ZNF595: variants seen among roughly 807,000 people sequenced by gnomAD.
ZNF595 encodes zinc finger protein 595.
A neutral mutation model predicts 19.4 loss-of-function variants in ZNF595; 9 were observed. That is an observed-to-expected ratio of 0.46 (90% CI 0.28 to 0.81). The LOEUF (loss-of-function observed/expected upper bound fraction) is 0.81, where lower values mean the gene tolerates loss of function less well. Ranked by LOEUF, ZNF595 falls within the 30% of genes least tolerant of loss-of-function variation. The pLI, the probability that ZNF595 is intolerant of heterozygous loss-of-function variation, is 0.11. For synonymous variants in ZNF595, 255 were observed against 255.9 expected, an observed-to-expected ratio of 1.00 and a Z score of 0.03; for missense variants, 729 against 736.0, an observed-to-expected ratio of 0.99 and a Z score of 0.11.
chr4:83,359 C>T (rs915627392), intron 3 of ZNF595, among the ~76,000 whole-genome samples: 6 of 152,068 alleles, frequency 3.9e-5, no homozygotes, highest in Admixed American at 1.3e-4. Flanking sequence ...GTGGCTCACG[C>T]CTGTAATCCC....
chr4:63,835 C>G (rs10452326), intron 3 of ZNF595, among the ~76,000 whole-genome samples: 4,042 of 132,296 alleles, frequency 0.031, no homozygotes, highest in African/African-American at 0.12. Flanking sequence ...AAAAGGAGAT[C>G]TTTACTTGCC....
At chr4:81,007 C>G (rs186429866) in intron 3 of ZNF595, among the ~76,000 whole-genome samples, 1 of 152,060 alleles carries the variant, frequency 6.6e-6, no homozygotes, top group Non-Finnish European at 1.5e-5. Context: ...TGACAGGCCC[C>G]GGTGTGTGAT....
chr4:79,585 T>A (rs1431051678), intron 3 of ZNF595, among the ~76,000 whole-genome samples: 1 of 152,184 alleles, frequency 6.6e-6, no homozygotes. Context: ...GATCTCTTTG[T>A]CTGTTTTTAT....
intron 3 of ZNF595, among the ~76,000 whole-genome samples, chr4:77,266 A>G (rs1328098428): frequency 6.6e-6 from 1 of 151,548 alleles, no homozygotes; most frequent in East Asian, 1.9e-4. Context: ...CAGCTCCAGC[A>G]TATCCATTTG....
At chr4:80,350 C>A (rs1713852922) in intron 3 of ZNF595, among the ~76,000 whole-genome samples, 1 of 152,158 alleles carries the variant, frequency 6.6e-6, no homozygotes, top group Non-Finnish European at 1.5e-5. Flanking sequence ...AAAAACTCAA[C>A]AAATTAGATA....
chr4:84,068 G>C (rs1245082594), intron 3 of ZNF595, among the ~76,000 whole-genome samples: 1 of 151,914 alleles, frequency 6.6e-6, no homozygotes, highest in African/African-American at 2.4e-5. Flanking sequence ...ATTTTAAACT[G>C]GTTATTTCAG....
Position 74,838 on chromosome 4 carries a change from C to A in ZNF595, c.227-10893C>A, listed in dbSNP as rs553430770. Among the ~76,000 whole-genome samples, 23 of 152,256 alleles carry A rather than the reference C, an allele frequency of 1.5e-4. No homozygotes were observed. In the South Asian group the frequency reaches 4.8e-3, roughly 32 times the overall value. On this transcript the variant is annotated intron_variant, in intron 3 of 3. Coordinates refer to ENST00000610261, the MANE Select transcript of ZNF595 (RefSeq NM_182524.4). Reference sequence around the variant, plus strand: ...AGAGGTGACTGAATAGAATGGGAGGCAGGTTGGCACTAAGCAATTCCCAGC... The same window carrying A: ...AGAGGTGACTGAATAGAATGGGAGGAAGGTTGGCACTAAGCAATTCCCAGC...
intron 3 of ZNF595, among the ~76,000 whole-genome samples, chr4:68,800 TA>T (rs1713312100): frequency 6.6e-6 from 1 of 152,198 alleles, no homozygotes; most frequent in Non-Finnish European, 1.5e-5. Context: ...AATGTACAAT[TA>T]AATTGCTTTT....
chr4:80,743 G>A (rs944270671), intron 3 of ZNF595, among the ~76,000 whole-genome samples: 1 of 152,160 alleles, frequency 6.6e-6, no homozygotes, highest in African/African-American at 2.4e-5. Context: ...GTTAAGGCAG[G>A]AAGCAGCCAT....
At chr4:70,579 C>T (rs559090233) in intron 3 of ZNF595, among the ~76,000 whole-genome samples, 111 of 152,310 alleles carry the variant, frequency 7.3e-4, no homozygotes, top group African/African-American at 2.5e-3. Flanking sequence ...CTCAAGTGAT[C>T]CACCTGTCTC....
intron 3 of ZNF595, among the ~76,000 whole-genome samples, chr4:83,638 A>G (rs1462278306): frequency 1.2e-4 from 18 of 146,760 alleles, no homozygotes; most frequent in African/African-American, 3.3e-4. Flanking sequence ...AAAAAAAAAA[A>G]AAAAAAAGAA....
In ZNF595 at chr4:87,272, A is replaced by G. The variant is rs1714259051; in HGVS notation, c.1768A>G (p.Lys590Glu). ...TKHKRIHTGE[K>E]PFTCEECGKA... is the part of the protein sequence containing the mutation. The stretch of plus-strand genomic sequence containing the variant: ...ACATAAGAGAATTCATACTGGAGAG[A>G]AACCCTTCACATGTGAAGAATGTGG... The change falls in exon 4 of 4, where the codon AAA becomes GAA. Residue 590 changes from lysine (K) to glutamate (E), a missense_variant. Lys to Glu is a moderately conservative substitution (Grantham distance 56). Coordinates refer to ENST00000610261, the MANE Select transcript of ZNF595 (RefSeq NM_182524.4). The G allele has an allele frequency of 4.3e-6, 7 of 1,612,210 alleles. No individual in the cohort carries two copies. Among genetic ancestry groups the G allele is most frequent in the Non-Finnish European group, 5.9e-6 (7 of 1,179,210 alleles).
intron 3 of ZNF595, among the ~76,000 whole-genome samples, chr4:80,726 G>T (rs1553799719): frequency 2.6e-5 from 4 of 152,202 alleles, no homozygotes. Context: ...ACAAGGTAAT[G>T]TCATCAGTTA....
intron 3 of ZNF595, among the ~76,000 whole-genome samples, chr4:66,866 T>G (rs1250798588): frequency 1.3e-5 from 2 of 151,956 alleles, no homozygotes; most frequent in African/African-American, 4.8e-5. Context: ...CAGGAAACGT[T>G]GTGCATGTAA....
At chr4:68,760 A>G (rs1352912382) in intron 3 of ZNF595, among the ~76,000 whole-genome samples, 1 of 152,262 alleles carries the variant, frequency 6.6e-6, no homozygotes, top group African/African-American at 2.4e-5. Flanking sequence ...TTTTACGAAC[A>G]ATCTAATAAC....
chr4:73,421 A>G (rs1197345761), intron 3 of ZNF595, among the ~76,000 whole-genome samples: 1 of 152,222 alleles, frequency 6.6e-6, no homozygotes, highest in Admixed American at 6.5e-5. Context: ...GAGAAACTTA[A>G]GCAAAGTTTG....
chr4:77,194 T>C lies in ZNF595; in HGVS notation c.227-8537T>C, dbSNP rs189153394. On this transcript the variant is annotated intron_variant, in intron 3 of 3. Transcript: ENST00000610261. ...TTAATTTTAACTTTGCTGACTTTTT[T>C]TCTGTATAACTGTCTCCTGTTAAAG... Among the ~76,000 whole-genome samples the C allele has an allele frequency of 9.7e-4, 147 of 152,228 alleles. 1 individual carries two copies. Among genetic ancestry groups the C allele is most frequent in the Middle Eastern group, 3.4e-3 (1 of 294 alleles).
intron 3 of ZNF595, among the ~76,000 whole-genome samples, chr4:77,052 C>T (rs1260669390): frequency 2.0e-5 from 3 of 152,000 alleles, no homozygotes; most frequent in Non-Finnish European, 4.4e-5. Context: ...TTTTCTCTCT[C>T]TACCCTGAAC....
chr4:58,196 AAAGG>A (rs1712711347), intron 1 of ZNF595, among the ~76,000 whole-genome samples: 1 of 151,736 alleles, frequency 6.6e-6, no homozygotes, highest in Non-Finnish European at 1.5e-5. Context: ...ATAAATGGAG[AAAGG>A]CAATGTACTT....
Sources: allele counts gnomAD v4.1 joint callset (sites outside exome capture counted in the v4.1 genomes callset), GRCh38; gene constraint gnomAD v4.1.1; transcripts MANE v1.5; gene names NCBI Gene and HGNC (gene_info 2026-07-23, HGNC 2026-07-21).